The following C9orf72 variants were observed in gnomAD, a reference collection of about 807,000 sequenced individuals.
C9orf72 encodes guanine nucleotide exchange factor C9orf72.
In C9orf72, 44 loss-of-function variants were observed where a neutral mutation model predicts 51.6. The observed-to-expected ratio is 0.85, with a 90% CI of 0.67 to 1.10. The LOEUF (loss-of-function observed/expected upper bound fraction) is 1.10, where lower values mean the gene tolerates loss of function less well. C9orf72 is among the 50% of genes least tolerant of loss of function. C9orf72 has a pLI of 0.00. For missense variants in C9orf72, 607 were observed against 570.6 expected (o/e 1.06, Z -0.65); for synonymous variants, 213 against 194.2 (o/e 1.10, Z -0.81).
At chr9:27,563,245 TA>T (rs145025434) in intron 3 of C9orf72, among the ~76,000 whole-genome samples, 3,501 of 152,276 alleles carry the variant, frequency 0.023, 132 homozygotes, top group African/African-American at 0.08. Context: ...CCTTTAGAGC[TA>T]TTTCAAGATA....
At chr9:27,566,650 T>C in intron 2 of C9orf72, 27 bp downstream of exon 2, 1 of 1,500,460 alleles carries the variant, frequency 6.7e-7, no homozygotes. Flanking sequence ...TAGGTTAACA[T>C]GATTAATAAG....
chr9:27,560,010 G>A (rs1350669409), intron 6 of C9orf72: 1 of 287,386 alleles, frequency 3.5e-6, no homozygotes, highest in Non-Finnish European at 6.6e-6. Context: ...ACTGACACTG[G>A]TATTTCCGAG....
intron 7 of C9orf72, among the ~76,000 whole-genome samples, chr9:27,558,262 G>A (rs1401053621): frequency 6.6e-6 from 1 of 151,328 alleles, no homozygotes; most frequent in African/African-American, 2.4e-5. Flanking sequence ...AGACATGTAG[G>A]AACAGGGACC....
Position 27,561,081 on chromosome 9 carries a change from AT to A in C9orf72, c.665+503del, listed in dbSNP as rs549765761. 96 of 205,850 alleles carry A rather than the reference AT, an allele frequency of 4.7e-4. 1 individual carries two copies. The highest frequency in any genetic ancestry group is 2.0e-3 in the African/African-American group (83 of 42,480). The allele number at this position is 205,850 out of a possible 1,614,324, so 12.8% of individuals were successfully genotyped here. On this transcript the variant is annotated intron_variant, in intron 5 of 10. Transcript: ENST00000380003. ...ATTAGGTACTATTACTATTATTGCC[AT>A]TTTACAGATGAGGAAATAGGTGTAT...
Position 27,556,737 on chromosome 9 carries a change from G to A in C9orf72, c.915C>T (p.Thr305=), listed in dbSNP as rs1819210251. The A allele has an allele frequency of 1.2e-6, 2 of 1,614,012 alleles. No individual in the cohort carries two copies. Among genetic ancestry groups the A allele is most frequent in the East Asian group, 4.5e-5 (2 of 44,884 alleles). ...TATTGACATCCACATCTATGTGTGT[G>A]GTGGGATATGGAGCATACATGACTT... ...FRQVMYAPYP[T]THIDVDVNTV... The change falls in exon 8 of 11, where the codon ACC becomes ACT. Residue 305 remains threonine (T), a synonymous_variant. Coordinates refer to ENST00000380003, the MANE Select transcript of C9orf72 (RefSeq NM_018325.5).
intron 4 of C9orf72, among the ~76,000 whole-genome samples, 159 bp from the exon 5 acceptor site, chr9:27,561,808 C>A (rs890999578): frequency 1.3e-5 from 2 of 152,216 alleles, no homozygotes; most frequent in East Asian, 3.9e-4. Flanking sequence ...TGTGCACTAC[C>A]ATAAACTTCA....
chr9:27,548,150 T>G lies in C9orf72; in HGVS notation c.*86A>C. ...TTGCTGAGAGCAGAATTCTGGAGTA[T>G]GATCCAGGGGAACGTTTCCCCACAC... On this transcript the variant is annotated 3_prime_UTR_variant, in exon 11 of 11. Coordinates refer to ENST00000380003, the MANE Select transcript of C9orf72 (RefSeq NM_018325.5). 1 of 1,004,530 alleles carries G rather than the reference T, an allele frequency of 1.0e-6. No individual in the cohort carries two copies. 62.2% of individuals were successfully genotyped at this position (1,004,530 alleles called of 1,614,324 possible).
chr9:27,553,369 T>G (rs571366215), intron 8 of C9orf72, among the ~76,000 whole-genome samples: 2 of 152,194 alleles, frequency 1.3e-5, no homozygotes, highest in East Asian at 3.9e-4. Context: ...AACAGACACA[T>G]AGACCAATGG....
chr9:27,560,464 A>G, intron 5 of C9orf72, 165 bp from the exon 6 acceptor site: 1 of 619,876 alleles, frequency 1.6e-6, no homozygotes, highest in Non-Finnish European at 2.5e-6. Context: ...AGGAACCTAC[A>G]TTTTCTAGAG....
At chr9:27,564,010 A>G (rs7858531) in intron 3 of C9orf72, among the ~76,000 whole-genome samples, 32,815 of 151,952 alleles carry the variant, frequency 0.22, 3,678 homozygotes, top group Non-Finnish European at 0.23. Flanking sequence ...CAAGAACTCA[A>G]TCAAAAGGCA....
At chr9:27,556,058 A>C (rs1045294029) in intron 8 of C9orf72, among the ~76,000 whole-genome samples, 3 of 151,578 alleles carry the variant, frequency 2.0e-5, no homozygotes, top group Non-Finnish European at 4.4e-5. Flanking sequence ...TTTTTTTTAA[A>C]AAAAAATAAG....
chr9:27,551,935 G>A (rs935953219), intron 8 of C9orf72, among the ~76,000 whole-genome samples: 9 of 152,194 alleles, frequency 5.9e-5, no homozygotes, highest in South Asian at 2.1e-4. Flanking sequence ...TTCGTTTTGC[G>A]GCTATTGTGA....
Position 27,571,429 on chromosome 9 carries a change from T to C in C9orf72, c.-45+2002A>G, listed in dbSNP as rs532824248. ...AAAGGTGGTTGGTCCACTGCTATTG[T>C]AGTGAAAATTCTACAATCATAAAGC... On this transcript the variant is annotated intron_variant, in intron 1 of 10. Transcript: ENST00000380003. 1.2e-4 allele frequency among the ~76,000 whole-genome samples: 18 copies of C among 152,326 alleles called. No individual in the cohort carries two copies. The South Asian group carries it at 1.9e-3, about 16-fold the overall frequency.
At chr9:27,560,390 ACT>A (rs1819314459) in intron 5 of C9orf72, 91 bp from the exon 6 acceptor site, 1 of 909,180 alleles carries the variant, frequency 1.1e-6, no homozygotes, top group Non-Finnish European at 1.7e-6. Context: ...TCTTCAAATA[ACT>A]CAGAATAGCT....
intron 8 of C9orf72, among the ~76,000 whole-genome samples, chr9:27,552,312 G>A (rs181116720): frequency 6.6e-6 from 1 of 151,666 alleles, no homozygotes; most frequent in East Asian, 2.0e-4. Context: ...TTTTTTTGAG[G>A]CATGTTCCTT....
chr9:27,569,702 G>C (rs1819545134), intron 1 of C9orf72, among the ~76,000 whole-genome samples: 1 of 152,146 alleles, frequency 6.6e-6, no homozygotes, highest in East Asian at 1.9e-4. Flanking sequence ...TTGAAGACTT[G>C]TTATCTAAGA....
At chr9:27,560,067 C>T (rs1819301916) in intron 6 of C9orf72, 160 bp downstream of exon 6, 2 of 406,366 alleles carry the variant, frequency 4.9e-6, no homozygotes, top group Non-Finnish European at 9.1e-6. Context: ...TTATTTCAAA[C>T]TCACTGTTGC....
In C9orf72 at chr9:27,567,116, G is replaced by C. The variant is rs149095486; in HGVS notation, c.5C>G (p.Ser2Trp). 4.3e-5 allele frequency: 69 copies of C among 1,611,854 alleles called. No individual in the cohort carries two copies. Among genetic ancestry groups the C allele is most frequent in the Non-Finnish European group, 5.9e-5 (69 of 1,178,746 alleles). Residue 2 changes from serine (S) to tryptophan (W), a missense_variant, in exon 2 of 11, where the codon TCG becomes TGG. Transcript: ENST00000380003. Reference protein sequence around the residue: MSTLCPPPSPAV... With the variant: MWTLCPPPSPAV... ...TGGAGATGGCGGTGGGCAAAGAGTC[G>C]ACATCACTGCATTCCAACTGTCACA...
At chr9:27,557,819 T>C (rs1819240732) in intron 7 of C9orf72, among the ~76,000 whole-genome samples, 1 of 151,966 alleles carries the variant, frequency 6.6e-6, no homozygotes, top group African/African-American at 2.4e-5. Context: ...TTTTAAATTT[T>C]TTTATTTCAT....
Sources: gnomAD v4.1 joint callset for allele counts (sites outside exome capture counted in the v4.1 genomes callset) on GRCh38, gnomAD v4.1.1 for gene constraint, MANE v1.5 for transcripts, NCBI Gene and HGNC (gene_info 2026-07-23, HGNC 2026-07-21) for gene names.